The following NPEPPS variants were observed in gnomAD, a reference collection of about 807,000 sequenced individuals.
The protein encoded by NPEPPS is puromycin-sensitive aminopeptidase.
In NPEPPS, 14 loss-of-function variants were observed where a neutral mutation model predicts 115.5. The observed-to-expected ratio is 0.12, with a 90% confidence interval of 0.08 to 0.19. The LOEUF (loss-of-function observed/expected upper bound fraction) is 0.19, where lower values mean the gene tolerates loss of function less well. NPEPPS is among the 10% of genes least tolerant of loss of function. The pLI, the probability that NPEPPS is intolerant of heterozygous loss-of-function variation, is 1.00. For missense variants in NPEPPS, 523 were observed against 1,110.8 expected (o/e 0.47, Z 7.52); for synonymous variants, 285 against 390.6 (o/e 0.73, Z 3.19).
At chr17:47,554,273 C>T (rs1035282968) in intron 2 of NPEPPS, among the ~76,000 whole-genome samples, 1 of 152,136 alleles carries the variant, frequency 6.6e-6, no homozygotes, top group Non-Finnish European at 1.5e-5. Flanking sequence ...CTCCTGACCT[C>T]AGGTGATCTT....
chr17:47,610,664 G>C (rs1430611159), intron 17 of NPEPPS, among the ~76,000 whole-genome samples: 1 of 151,696 alleles, frequency 6.6e-6, no homozygotes, highest in Non-Finnish European at 1.5e-5. Context: ...TTACAGGCGT[G>C]AACCACCACA....
At chr17:47,552,633 T>C (rs1334284910) in intron 2 of NPEPPS, among the ~76,000 whole-genome samples, 1 of 152,214 alleles carries the variant, frequency 6.6e-6, no homozygotes, top group Non-Finnish European at 1.5e-5. Context: ...TTTTAAAACA[T>C]TATTTAAATA....
intron 2 of NPEPPS, among the ~76,000 whole-genome samples, chr17:47,551,470 ATAT>A (rs908591725): frequency 7.0e-6 from 1 of 142,810 alleles, no homozygotes; most frequent in African/African-American, 2.6e-5. Context: ...TTTTTATTAA[ATAT>A]TATTATTATT....
chr17:47,553,748 C>G (rs1486304356), intron 2 of NPEPPS, among the ~76,000 whole-genome samples: 1 of 150,934 alleles, frequency 6.6e-6, no homozygotes, highest in Admixed American at 6.6e-5. Context: ...ATGTTGTGTG[C>G]GTCTCTCTCT....
At chr17:47,549,404 C>T (rs960074687) in intron 2 of NPEPPS, among the ~76,000 whole-genome samples, 4 of 151,868 alleles carry the variant, frequency 2.6e-5, no homozygotes, top group Non-Finnish European at 4.4e-5. Flanking sequence ...ACCACAGCAA[C>T]GGGAAAAAAC....
Position 47,596,419 on chromosome 17 carries a change from C to T in NPEPPS, c.1493C>T (p.Thr498Ile). ...KPIAAVMNTW[T>I]KQMGFPLIYV... is the part of the protein sequence containing the mutation. ...ATAGCAGCTGTGATGAATACCTGGACCAAACAAATGGGATTTCCCCTCATT... is the reference window on the plus strand; with the variant it reads ...ATAGCAGCTGTGATGAATACCTGGATCAAACAAATGGGATTTCCCCTCATT... Residue 498 changes from threonine to isoleucine, a missense_variant, in exon 13 of 23, where the codon ACC (threonine) becomes ATC (isoleucine). This residue lies in a region of NPEPPS where 372 missense variants were observed against 542.6 expected (regional missense o/e 0.69). Coordinates refer to ENST00000322157, the MANE Select transcript of NPEPPS (RefSeq NM_006310.4). The T allele has an allele frequency of 6.3e-7, 1 of 1,594,948 alleles. No individual in the cohort carries two copies. The highest frequency in any genetic ancestry group is 1.7e-5 in the Admixed American group (1 of 57,436).
intron 22 of NPEPPS, 31 bp downstream of exon 22, chr17:47,619,815 T>A (rs1914430187): frequency 6.5e-7 from 1 of 1,526,742 alleles, no homozygotes; most frequent in African/African-American, 1.4e-5. Flanking sequence ...TCTTCACTTT[T>A]CAGTCTAGTA....
chr17:47,578,838 T>C (rs1269718771), intron 3 of NPEPPS, among the ~76,000 whole-genome samples: 1 of 152,040 alleles, frequency 6.6e-6, no homozygotes, highest in Non-Finnish European at 1.5e-5. Flanking sequence ...ATTGGCTACA[T>C]TTCTCTTTCT....
At chr17:47,617,681 T>C (rs1484204365) in intron 19 of NPEPPS, among the ~76,000 whole-genome samples, 1 of 152,220 alleles carries the variant, frequency 6.6e-6, no homozygotes, top group Non-Finnish European at 1.5e-5. Flanking sequence ...AGAACACTAA[T>C]GATTAGTTTG....
chr17:47,621,415 GTTAA>G (rs1914566103), intron 22 of NPEPPS, among the ~76,000 whole-genome samples: 5 of 152,156 alleles, frequency 3.3e-5, no homozygotes, highest in Admixed American at 6.5e-5. Context: ...ACTTAGAGCA[GTTAA>G]TTTTCTCACA....
At chr17:47,527,747 A>T (rs1185842525), upstream of NPEPPS, among the ~76,000 whole-genome samples, 1 of 151,908 alleles carries the variant, frequency 6.6e-6, no homozygotes, top group Admixed American at 6.6e-5. Context: ...AAAAAAGAAA[A>T]AATAAACAAG....
intron 2 of NPEPPS, among the ~76,000 whole-genome samples, chr17:47,562,537 C>T (rs1183003268): frequency 7.9e-5 from 12 of 151,728 alleles, no homozygotes; most frequent in Non-Finnish European, 1.5e-5. Flanking sequence ...CATGATTCAA[C>T]TAATGATTTA....
At chr17:47,597,972 A>G (rs542400533) in intron 13 of NPEPPS, among the ~76,000 whole-genome samples, 31 of 152,174 alleles carry the variant, frequency 2.0e-4, no homozygotes, top group African/African-American at 7.0e-4. Context: ...TTTGGTGGGA[A>G]AGAATACCTG....
In NPEPPS at chr17:47,576,733, C is replaced by G. The variant is rs907495095; in HGVS notation, c.419-2657C>G. 4.7e-4 allele frequency among the ~76,000 whole-genome samples: 71 copies of G among 152,000 alleles called. 1 individual carries two copies. Among genetic ancestry groups the G allele is most frequent in the African/African-American group, 1.6e-3 (66 of 41,366 alleles). ...TTATAAACGAGCTTGATATATGTTT[C>G]AAAAGGTTTACAACCCCAAACATAA... On this transcript the variant is annotated intron_variant, in intron 3 of 22. Coordinates refer to ENST00000322157, the MANE Select transcript of NPEPPS (RefSeq NM_006310.4).
At chr17:47,619,815 T>C in intron 22 of NPEPPS, 31 bp downstream of exon 22, 2 of 1,526,860 alleles carry the variant, frequency 1.3e-6, no homozygotes, top group Non-Finnish European at 1.8e-6. Context: ...TCTTCACTTT[T>C]CAGTCTAGTA....
At chr17:47,560,250 TTAAG>T (rs1187044263) in intron 2 of NPEPPS, among the ~76,000 whole-genome samples, 2 of 151,986 alleles carry the variant, frequency 1.3e-5, no homozygotes, top group Non-Finnish European at 1.5e-5. Context: ...CCTAGACAAA[TTAAG>T]TAACCCTGTA....
At chr17:47,531,884 C>G (rs1221556986) in intron 1 of NPEPPS, among the ~76,000 whole-genome samples, 1 of 152,278 alleles carries the variant, frequency 6.6e-6, no homozygotes, top group Non-Finnish European at 1.5e-5. Flanking sequence ...CGCCCCGGAC[C>G]CTTCTGGGCT....
At chr17:47,529,948 TTA>T (rs3065313), upstream of NPEPPS, among the ~76,000 whole-genome samples, 30,015 of 109,490 alleles carry the variant, frequency 0.27, 4,960 homozygotes, top group East Asian at 0.35. Flanking sequence ...ATTTATTTAT[TTA>T]TTTTGAGACA....
At chr17:47,529,737 T>TATATATATATATATA (rs59313546), upstream of NPEPPS, among the ~76,000 whole-genome samples, 3 of 25,660 alleles carry the variant, frequency 1.2e-4, 1 homozygote, top group African/African-American at 9.5e-5. Context: ...TTCAGTTACA[T>TATATATATATATATA]TATATATATA....
Sources: gnomAD v4.1 joint callset for allele counts (sites outside exome capture counted in the v4.1 genomes callset) on GRCh38, gnomAD v4.1.1 for gene constraint, gnomAD v4.1.1 regional missense constraint, MANE v1.5 for transcripts, NCBI Gene and HGNC (gene_info 2026-07-23, HGNC 2026-07-21) for gene names.